The following MEGF10 variants were observed in gnomAD, a reference collection of about 807,000 sequenced individuals.
The protein encoded by MEGF10 is multiple epidermal growth factor-like domains protein 10.
MEGF10 carries 86 observed loss-of-function variants against 147.5 expected under a neutral mutation model. The observed-to-expected ratio is 0.58, with a 90% CI of 0.49 to 0.70. The LOEUF (loss-of-function observed/expected upper bound fraction) is 0.70. MEGF10 is among the 30% of genes least tolerant of loss of function. The pLI is 0.00. For synonymous variants in MEGF10, 478 were observed against 525.5 expected, an observed-to-expected ratio of 0.91 and a Z score of 1.24; for missense variants, 1,329 against 1,487.3, an observed-to-expected ratio of 0.89 and a Z score of 1.75.
chr5:127,264,904 T>C, the MEGF10 span, among the ~76,000 whole-genome samples: 1 of 151,688 alleles, frequency 6.6e-6, no homozygotes, highest in African/African-American at 2.4e-5. Flanking sequence ...GCACAGATCA[T>C]CCCATTACCC....
intron 18 of MEGF10, among the ~76,000 whole-genome samples, chr5:127,441,925 C>T (rs536517117): frequency 5.3e-5 from 8 of 152,272 alleles, no homozygotes; most frequent in Admixed American, 3.9e-4. Flanking sequence ...ACAAAAGTGA[C>T]GTCCAGGAAT....
the MEGF10 span, among the ~76,000 whole-genome samples, chr5:127,247,645 A>T: frequency 6.6e-6 from 1 of 152,106 alleles, no homozygotes; most frequent in African/African-American, 2.4e-5. Flanking sequence ...CATTTTAGGC[A>T]TTGGAAAATT....
intron 5 of MEGF10, among the ~76,000 whole-genome samples, chr5:127,381,721 A>G (rs530344439): frequency 6.6e-6 from 1 of 152,282 alleles, no homozygotes; most frequent in Non-Finnish European, 1.5e-5. Context: ...CCCAGGCTGG[A>G]GTGCAGTGGC....
the MEGF10 span, among the ~76,000 whole-genome samples, chr5:127,238,814 T>C: frequency 6.6e-6 from 1 of 152,210 alleles, no homozygotes; most frequent in Non-Finnish European, 1.5e-5. Context: ...TAAATGTCTC[T>C]TGGTATTAAG....
At chr5:127,411,075 G>C (rs909888790) in intron 9 of MEGF10, among the ~76,000 whole-genome samples, 1 of 152,178 alleles carries the variant, frequency 6.6e-6, no homozygotes, top group African/African-American at 2.4e-5. Flanking sequence ...TGGAAGTTTT[G>C]TGAAAGTGTT....
chr5:127,332,607 G>T (rs1225658708), intron 2 of MEGF10, among the ~76,000 whole-genome samples: 2 of 152,120 alleles, frequency 1.3e-5, no homozygotes, highest in African/African-American at 4.8e-5. Flanking sequence ...AGTCAATGGA[G>T]TTATATATTA....
intron 1 of MEGF10, among the ~76,000 whole-genome samples, chr5:127,328,132 T>C (rs1406985370): frequency 6.6e-6 from 1 of 152,236 alleles, no homozygotes; most frequent in Non-Finnish European, 1.5e-5. Context: ...TTCTTAGTTC[T>C]CTACAGCTTA....
the MEGF10 span, among the ~76,000 whole-genome samples, chr5:127,277,247 C>T: frequency 6.6e-6 from 1 of 152,170 alleles, no homozygotes; most frequent in Admixed American, 6.5e-5. Flanking sequence ...TTGCCTTCAA[C>T]AGAAAAGAAC....
At chr5:127,279,722 TC>T in the MEGF10 span, among the ~76,000 whole-genome samples, 1 of 152,122 alleles carries the variant, frequency 6.6e-6, no homozygotes, top group Non-Finnish European at 1.5e-5. Context: ...ATTTGAACCC[TC>T]CCCAAATAGA....
rs540842393 is a variant in MEGF10, at chr5:127,331,294, G to A, written c.-15G>A. On this transcript the variant is annotated 5_prime_UTR_variant, in exon 2 of 25. Coordinates refer to ENST00000503335, the MANE Select transcript of MEGF10 (RefSeq NM_001256545.2). ...TGGGATTTTTTCTTTCTTGTAGGTTGTTCTTCAGAAAAAAATGGTTATTTC... is the reference window on the plus strand; with the variant it reads ...TGGGATTTTTTCTTTCTTGTAGGTTATTCTTCAGAAAAAAATGGTTATTTC... The A allele has an allele frequency of 2.6e-6, 4 of 1,513,864 alleles. No individual in the cohort carries two copies. The highest frequency in any genetic ancestry group is 2.3e-5 in the East Asian group (1 of 44,330). 93.8% of individuals were successfully genotyped at this position (1,513,864 alleles called of 1,614,324 possible).
At chr5:127,407,350 C>T (rs559339113) in intron 8 of MEGF10, among the ~76,000 whole-genome samples, 12 of 152,270 alleles carry the variant, frequency 7.9e-5, no homozygotes, top group African/African-American at 2.9e-4. Flanking sequence ...GGGGTGAAAG[C>T]GGTACCTGTC....
chr5:127,432,221 T>C (rs1218056076), intron 13 of MEGF10, among the ~76,000 whole-genome samples: 2 of 152,168 alleles, frequency 1.3e-5, no homozygotes, highest in Non-Finnish European at 2.9e-5. Flanking sequence ...CAGTAAAAAG[T>C]GGATCTTCTT....
At chr5:127,306,251 G>C (rs1399344474) in intron 1 of MEGF10, among the ~76,000 whole-genome samples, 2 of 152,140 alleles carry the variant, frequency 1.3e-5, no homozygotes, top group Non-Finnish European at 2.9e-5. Context: ...TGGGTTAGTG[G>C]CTGACTGTGC....
At chr5:127,277,989 C>G in the MEGF10 span, among the ~76,000 whole-genome samples, 23 of 152,144 alleles carry the variant, frequency 1.5e-4, no homozygotes, top group African/African-American at 5.5e-4. Context: ...CAGGAGGCAG[C>G]TGGGCAGAGG....
chr5:127,297,157 A>C (rs912269973), intron 1 of MEGF10, among the ~76,000 whole-genome samples: 2 of 152,024 alleles, frequency 1.3e-5, no homozygotes, highest in African/African-American at 2.4e-5. Flanking sequence ...AGTAGAGACG[A>C]GGTTTTGCCA....
chr5:127,438,711 A>C (rs1765646804), intron 17 of MEGF10, 144 bp downstream of exon 17: 9 of 786,972 alleles, frequency 1.1e-5, no homozygotes, highest in South Asian at 7.7e-5. Context: ...TAGACATATA[A>C]ATTTCTCTAA....
At chr5:127,261,426 T>C in the MEGF10 span, among the ~76,000 whole-genome samples, 2 of 152,222 alleles carry the variant, frequency 1.3e-5, no homozygotes, top group South Asian at 4.1e-4. Context: ...TTCATTCTTG[T>C]TGTAATATGT....
At chr5:127,232,476 C>T in the MEGF10 span, among the ~76,000 whole-genome samples, 1 of 152,158 alleles carries the variant, frequency 6.6e-6, no homozygotes, top group Admixed American at 6.5e-5. Context: ...AGGCTCTGTG[C>T]TCTGTTCAGT....
At chr5:127,230,296 G>A in the MEGF10 span, among the ~76,000 whole-genome samples, 1 of 152,038 alleles carries the variant, frequency 6.6e-6, no homozygotes, top group Non-Finnish European at 1.5e-5. Flanking sequence ...GAGCTGGAAG[G>A]CAGGGAAAAG....
Sources: allele counts gnomAD v4.1 joint callset (sites outside exome capture counted in the v4.1 genomes callset), GRCh38; gene constraint gnomAD v4.1.1; transcripts MANE v1.5; gene names NCBI Gene and HGNC (gene_info 2026-07-23, HGNC 2026-07-21).